DYSF: variants seen among roughly 807,000 people sequenced by gnomAD.
DYSF encodes dysferlin.
In DYSF, 212 loss-of-function variants were observed where a neutral mutation model predicts 274.9. That is an observed-to-expected ratio of 0.77 (90% CI 0.69 to 0.86). The LOEUF is 0.86. Among genes scored for constraint, DYSF ranks in the 40% least tolerant of loss-of-function variants. The pLI, the probability that DYSF is intolerant of heterozygous loss-of-function variation, is 0.00. For synonymous variants in DYSF, 1,091 were observed against 1,078.7 expected (o/e 1.01, Z -0.22); for missense variants, 2,666 against 2,783.2 (o/e 0.96, Z 0.95).
rs2092204194 is a variant in DYSF at position 71,567,949 on chromosome 2, A to G, written c.2566-2A>G. ...GGGTTTCTGTCCTTCTCTGGTACCC[A>G]GTATCCGATGGAGAAGGTGCCTGGC... On this transcript the variant is annotated splice_acceptor_variant, in intron 24 of 55. Coordinates refer to ENST00000410020, the MANE Select transcript of DYSF (RefSeq NM_001130987.2). LOFTEE classifies it high-confidence loss of function. 6.2e-7 allele frequency: 1 copy of G among 1,614,008 alleles called. No homozygotes were observed. The highest frequency in any genetic ancestry group is 1.7e-5 in the Admixed American group (1 of 60,002).
rs566272229 is a variant in DYSF at position 71,513,985 on chromosome 2, C to A, written c.759+64C>A. On this transcript the variant is annotated intron_variant, in intron 7 of 55. Coordinates refer to ENST00000410020, the MANE Select transcript of DYSF (RefSeq NM_001130987.2). ...AGCCATCAGCTGCGGGTGCCAGGCA[C>A]CTGCCTGGTTTGTCCAGCTTCAGGG... 1.3e-4 allele frequency: 210 copies of A among 1,588,294 alleles called. 4 individuals are homozygous for A. In the South Asian group the frequency reaches 2.2e-3, roughly 17 times the overall value.
At chr2:71,545,785 A>C (rs1573893810) in intron 17 of DYSF, among the ~76,000 whole-genome samples, 1 of 152,054 alleles carries the variant, frequency 6.6e-6, no homozygotes, top group African/African-American at 2.4e-5. Context: ...ACCTGTCTTC[A>C]TTTCTATGCT....
At chr2:71,672,704 G>T (rs2095149612) in intron 51 of DYSF, among the ~76,000 whole-genome samples, 1 of 152,226 alleles carries the variant, frequency 6.6e-6, no homozygotes, top group African/African-American at 2.4e-5. Context: ...TCATTACCGA[G>T]CCCATAAACC....
chr2:71,590,441 A>T lies in DYSF; in HGVS notation c.3574+153A>T, dbSNP rs720541. Among the ~76,000 whole-genome samples the T allele has an allele frequency of 0.21, 32,054 of 152,018 alleles. 4,228 individuals are homozygous for T. Among genetic ancestry groups the T allele is most frequent in the East Asian group, 0.37 (1,913 of 5,128 alleles). On this transcript the variant is annotated intron_variant, in intron 32 of 55. Transcript: ENST00000410020. ...CTGTGGCTTCTTGGTCGTCAGGTGC[A>T]GCAAACTCTTGTCCATGGCCTGCTG... is the stretch of plus-strand genomic sequence containing the variant.
chr2:71,536,807 G>C (rs2089389941), intron 16 of DYSF, among the ~76,000 whole-genome samples: 1 of 152,158 alleles, frequency 6.6e-6, no homozygotes, highest in African/African-American at 2.4e-5. Context: ...GCATTCTGCT[G>C]CTTCAAGTTC....
chr2:71,658,852 G>A, intron 43 of DYSF, 26 bp from the exon 44 acceptor site: 1 of 1,614,036 alleles, frequency 6.2e-7, no homozygotes, highest in South Asian at 1.1e-5. Flanking sequence ...TGATAAAAAT[G>A]AAAATTAACC....
chr2:71,605,879 C>T (rs900240227), intron 36 of DYSF, among the ~76,000 whole-genome samples: 8 of 152,036 alleles, frequency 5.3e-5, no homozygotes. Context: ...GTAATTAGAG[C>T]AACATATTGT....
chr2:71,611,589 A>G lies in DYSF; in HGVS notation c.4184A>G (p.Asn1395Ser). The change falls in exon 38 of 56, where the codon AAC becomes AGC. Residue 1395 changes from asparagine to serine, a missense_variant. By Grantham distance (46) the Asn-to-Ser change is conservative (BLOSUM62 1). Around this residue, in one of 3 missense-constraint regions of DYSF, gnomAD observed 1,460 missense variants for 1,502.1 expected, o/e 0.97. Transcript: ENST00000410020. ...QSCVIRNLRK[N>S]PNFDICTLFM... ...TGTGTCATCAGGAACCTCCGGAAGA[A>G]CCCCAACTTTGACATCTGCACCCTC... The G allele has an allele frequency of 1.2e-6, 2 of 1,613,924 alleles. No homozygotes were observed. Among genetic ancestry groups the G allele is most frequent in the Non-Finnish European group, 1.7e-6 (2 of 1,179,976 alleles).
chr2:71,627,165 ATTTC>A (rs988193128), intron 41 of DYSF, among the ~76,000 whole-genome samples: 1 of 150,056 alleles, frequency 6.7e-6, no homozygotes, highest in African/African-American at 2.5e-5. Flanking sequence ...CTTCCATTTT[ATTTC>A]TTTTCTTCCA....
At chr2:71,680,141 A>T (rs1359993279) in intron 53 of DYSF, among the ~76,000 whole-genome samples, 1 of 152,254 alleles carries the variant, frequency 6.6e-6, no homozygotes, top group Non-Finnish European at 1.5e-5. Flanking sequence ...TTGTTATAAA[A>T]GTTAGGTGAA....
chr2:71,550,052 C>T (rs2090817522), intron 17 of DYSF, among the ~76,000 whole-genome samples: 1 of 152,228 alleles, frequency 6.6e-6, no homozygotes, highest in East Asian at 1.9e-4. Flanking sequence ...GACCTTAGGT[C>T]TAGCTCAAAC....
At chr2:71,550,645 G>C (rs911456319) in intron 17 of DYSF, among the ~76,000 whole-genome samples, 1 of 152,170 alleles carries the variant, frequency 6.6e-6, no homozygotes, top group Non-Finnish European at 1.5e-5. Flanking sequence ...CATGCTGGGG[G>C]TGGGGCTGGG....
At position 71,674,303 on chromosome 2, in the gene DYSF, G is replaced by A. The variant is rs578068243; in HGVS notation, c.5884+7G>A. 36 of 1,613,684 alleles carry A rather than the reference G, an allele frequency of 2.2e-5. No individual in the cohort carries two copies. The highest frequency in any genetic ancestry group is 1.7e-4 in the Middle Eastern group (1 of 6,060). On this transcript the variant is annotated splice_region_variant and intron_variant, in intron 52 of 55. Transcript: ENST00000410020. ...TCCTTTGATGATTTTCTGGGTAAGCGCTATTGCTAGAATCCCATTCTGCAC... is the reference window on the plus strand; with the variant it reads ...TCCTTTGATGATTTTCTGGGTAAGCACTATTGCTAGAATCCCATTCTGCAC...
rs779924414 is a variant in DYSF, at chr2:71,659,550, G to A, written c.4911+517G>A. Among the ~76,000 whole-genome samples, 13 of 152,176 alleles carry A rather than the reference G, an allele frequency of 8.5e-5. No homozygotes were observed. In the South Asian group the frequency reaches 1.2e-3, roughly 15 times the overall value. The stretch of plus-strand genomic sequence containing the variant: ...AAGGGAATGCTGGTAACACTCACCC[G>A]GTCTTTATTTAAAATTTTGATATTT... On this transcript the variant is annotated intron_variant, in intron 44 of 55. Coordinates refer to ENST00000410020, the MANE Select transcript of DYSF (RefSeq NM_001130987.2).
intron 40 of DYSF, among the ~76,000 whole-genome samples, chr2:71,618,017 GGTGTGTGTGTGTGGTAGAGATGGT>G (rs2093949006): frequency 1.7e-5 from 2 of 121,208 alleles, no homozygotes; most frequent in African/African-American, 3.1e-5. Flanking sequence ...GTAGAGATGG[GGTGTGTGTGTGTGGTAGAGATGGT>G]GTGTGTGTGT....
At chr2:71,541,829 ATAGT>A (rs1486667946) in intron 17 of DYSF, among the ~76,000 whole-genome samples, 9 of 151,976 alleles carry the variant, frequency 5.9e-5, no homozygotes, top group Non-Finnish European at 8.8e-5. Flanking sequence ...TGATTCTTTC[ATAGT>A]TAGTCTATTT....
chr2:71,503,845 G>A (rs1392561087), intron 4 of DYSF, among the ~76,000 whole-genome samples: 1 of 152,158 alleles, frequency 6.6e-6, no homozygotes, highest in Non-Finnish European at 1.5e-5. Context: ...AGTCCAATCA[G>A]ACAATTCCCA....
At chr2:71,601,312 G>T in intron 34 of DYSF, 187 bp from the exon 35 acceptor site, 1 of 750,820 alleles carries the variant, frequency 1.3e-6, no homozygotes, top group East Asian at 2.6e-5. Flanking sequence ...AATAGGAGTA[G>T]GGCTGCTCTG....
intron 23 of DYSF, among the ~76,000 whole-genome samples, 162 bp from the exon 24 acceptor site, chr2:71,563,896 C>T (rs1325105942): frequency 6.6e-6 from 1 of 152,224 alleles, no homozygotes; most frequent in African/African-American, 2.4e-5. Flanking sequence ...CTGGCCAGCC[C>T]TGGGAGGTCT....
Sources: allele counts gnomAD v4.1 joint callset (sites outside exome capture counted in the v4.1 genomes callset), GRCh38; gene constraint gnomAD v4.1.1; regional missense constraint gnomAD v4.1.1; transcripts MANE v1.5; gene names NCBI Gene and HGNC (gene_info 2026-07-23, HGNC 2026-07-21).